Variants in STAM2 observed in about 807,000 individuals in gnomAD.
The protein encoded by STAM2 is signal transducing adapter molecule 2.
Under a neutral mutation model 65.6 loss-of-function variants are expected in STAM2, and 51 were observed. The observed-to-expected ratio is 0.78, with a 90% CI of 0.62 to 0.98. The LOEUF (loss-of-function observed/expected upper bound fraction) is 0.98. Ranked by LOEUF, STAM2 falls within the 50% of genes least tolerant of loss-of-function variation. STAM2 has a pLI of 0.00. For missense variants in STAM2, 584 were observed against 617.8 expected (o/e 0.95, Z 0.58); for synonymous variants, 198 against 208.4 (o/e 0.95, Z 0.43).
intron 13 of STAM2, among the ~76,000 whole-genome samples, chr2:152,123,438 A>G (rs1226288166): frequency 1.3e-5 from 2 of 152,184 alleles, no homozygotes; most frequent in Admixed American, 6.5e-5. Flanking sequence ...TAAGGGTCAA[A>G]GTAACAACAG....
At chr2:152,137,298 T>C (rs575906374) in intron 7 of STAM2, among the ~76,000 whole-genome samples, 4 of 152,356 alleles carry the variant, frequency 2.6e-5, no homozygotes, top group African/African-American at 9.6e-5. Context: ...CCCTTATATG[T>C]GATAATTTTC....
chr2:152,126,398 A>C lies in STAM2; in HGVS notation c.1026-19T>G. 6 of 1,457,458 alleles carry C rather than the reference A, an allele frequency of 4.1e-6. No individual in the cohort carries two copies. The highest frequency in any genetic ancestry group is 5.5e-6 in the Non-Finnish European group (6 of 1,097,016). 90.3% of individuals were successfully genotyped at this position (1,457,458 alleles called of 1,614,324 possible). A position where few individuals can be genotyped will look rare whatever the true frequency, so the allele number is the denominator to read the frequency against. ...ATGCTTCCTGATGTAGAAGAAAAGT[A>C]TTATAATACTCTTCTAGTTTTTAGC... On this transcript the variant is annotated intron_variant, in intron 11 of 13. Transcript: ENST00000263904.
At chr2:152,146,174 G>A (rs1167170127) in intron 5 of STAM2, among the ~76,000 whole-genome samples, 1 of 151,220 alleles carries the variant, frequency 6.6e-6, no homozygotes, top group African/African-American at 2.4e-5. Context: ...TAAAGGCGGA[G>A]GCAGGAGAAT....
At chr2:152,155,421 A>G (rs1314461153) in intron 1 of STAM2, among the ~76,000 whole-genome samples, 3 of 152,242 alleles carry the variant, frequency 2.0e-5, no homozygotes, top group Non-Finnish European at 4.4e-5. Flanking sequence ...AACGGGCTAC[A>G]TAGGATCAAA....
intron 11 of STAM2, chr2:152,131,864 G>A (rs1041388795): frequency 6.4e-6 from 3 of 471,050 alleles, no homozygotes; most frequent in Non-Finnish European, 1.1e-5. Context: ...AAGCATGCTA[G>A]AACAGACTGG....
At chr2:152,172,925 T>C (rs1008613192) in intron 1 of STAM2, among the ~76,000 whole-genome samples, 1 of 151,820 alleles carries the variant, frequency 6.6e-6, no homozygotes, top group Non-Finnish European at 1.5e-5. Context: ...TGTCAACACC[T>C]TTACAGAGAA....
chr2:152,122,357 G>A (rs900716879), intron 13 of STAM2, among the ~76,000 whole-genome samples: 2 of 151,918 alleles, frequency 1.3e-5, no homozygotes, highest in African/African-American at 4.8e-5. Context: ...CCCGGGAGTT[G>A]GAGGCTGCAG....
At chr2:152,139,915 G>T (rs906551751) in intron 7 of STAM2, among the ~76,000 whole-genome samples, 1 of 152,096 alleles carries the variant, frequency 6.6e-6, no homozygotes, top group African/African-American at 2.4e-5. Context: ...CATTTACATT[G>T]TATCAGGTAC....
chr2:152,167,556 T>G (rs1490873070), intron 1 of STAM2, among the ~76,000 whole-genome samples: 1 of 152,190 alleles, frequency 6.6e-6, no homozygotes, highest in East Asian at 1.9e-4. Flanking sequence ...TTAGCTGATA[T>G]TTTTATAACA....
intron 1 of STAM2, among the ~76,000 whole-genome samples, chr2:152,157,438 C>T (rs887634405): frequency 2.1e-4 from 32 of 152,106 alleles, no homozygotes; most frequent in African/African-American, 7.7e-4. Flanking sequence ...AGGATGGGAC[C>T]CTGATCCAAT....
chr2:152,146,532 G>A (rs1445058127), intron 5 of STAM2, among the ~76,000 whole-genome samples: 1 of 151,990 alleles, frequency 6.6e-6, no homozygotes, highest in Non-Finnish European at 1.5e-5. Context: ...TAAATTTCTA[G>A]TCTTACATTT....
rs1379431615 is a variant in STAM2, at chr2:152,143,857, T to C, written c.674A>G (p.His225Arg). Reference sequence around the variant, plus strand: ...ATCCAAAACAATAATTATTTCACCATGTTTAAAGGTGAGTTCATTGTCCTC... The same window carrying C: ...ATCCAAAACAATAATTATTTCACCACGTTTAAAGGTGAGTTCATTGTCCTC... ...AVEDNELTFK[H>R]GEIIIVLDDS... is the part of the protein sequence containing the mutation. The change falls in exon 7 of 14, where the codon CAT (histidine) becomes CGT (arginine). Residue 225 changes from histidine to arginine, a missense_variant. His to Arg is a conservative substitution (Grantham distance 29). Coordinates refer to ENST00000263904, the MANE Select transcript of STAM2 (RefSeq NM_005843.6). The C allele has an allele frequency of 1.2e-6, 2 of 1,610,668 alleles. No individual in the cohort carries two copies. The highest frequency in any genetic ancestry group is 1.7e-6 in the Non-Finnish European group (2 of 1,178,732).
chr2:152,147,113 AC>A (rs1268253684), intron 5 of STAM2, 48 bp downstream of exon 5: 17 of 1,522,628 alleles, frequency 1.1e-5, no homozygotes, highest in Non-Finnish European at 1.5e-5. Context: ...TAACATACAT[AC>A]CTTCAAAATA....
At chr2:152,127,808 C>T (rs1688987883) in intron 11 of STAM2, among the ~76,000 whole-genome samples, 1 of 152,138 alleles carries the variant, frequency 6.6e-6, no homozygotes, top group Non-Finnish European at 1.5e-5. Flanking sequence ...CTTGATAGTT[C>T]CCCTGGGAGT....
At chr2:152,130,600 A>G (rs886636488) in intron 11 of STAM2, among the ~76,000 whole-genome samples, 2 of 151,396 alleles carry the variant, frequency 1.3e-5, no homozygotes, top group Admixed American at 1.3e-4. Flanking sequence ...GCTCATGCCT[A>G]TAATCCCAGC....
chr2:152,175,286 A>G (rs961176351), intron 1 of STAM2, among the ~76,000 whole-genome samples: 1 of 152,194 alleles, frequency 6.6e-6, no homozygotes, highest in Admixed American at 6.5e-5. Context: ...GGAAGTTTTT[A>G]ATCACCAACT....
Position 152,150,144 on chromosome 2 carries a change from C to T in STAM2, c.125+1G>A. 1 of 1,599,772 alleles carries T rather than the reference C, an allele frequency of 6.3e-7. No individual in the cohort carries two copies. Among genetic ancestry groups the T allele is most frequent in the Non-Finnish European group, 8.6e-7 (1 of 1,167,366 alleles). On this transcript the variant is annotated splice_donor_variant, in intron 2 of 13. Transcript: ENST00000263904. LOFTEE classifies it high-confidence loss of function. ...TCACTGAGCATGACTGGACATCTTA[C>T]CCATTAGGAGTACTTCCAACTTTGT...
intron 1 of STAM2, among the ~76,000 whole-genome samples, chr2:152,167,695 G>T (rs1203168241): frequency 6.6e-6 from 1 of 151,696 alleles, no homozygotes. Flanking sequence ...AGGAGTCCAA[G>T]ACCAGCCTGG....
chr2:152,169,540 G>C (rs544977265), intron 1 of STAM2, among the ~76,000 whole-genome samples: 137 of 152,230 alleles, frequency 9.0e-4, no homozygotes, highest in Admixed American at 3.0e-3. Context: ...TGGATTGCAG[G>C]TGTGAGTCAC....
Sources: gnomAD v4.1 joint callset for allele counts (sites outside exome capture counted in the v4.1 genomes callset) on GRCh38, gnomAD v4.1.1 for gene constraint, MANE v1.5 for transcripts, NCBI Gene and HGNC (gene_info 2026-07-23, HGNC 2026-07-21) for gene names.